The following GALNTL6 variants were observed in gnomAD, a reference collection of about 807,000 sequenced individuals.
GALNTL6 encodes the protein polypeptide N-acetylgalactosaminyltransferase-like 6.
In GALNTL6, 46 loss-of-function variants were observed where a neutral mutation model predicts 73.7. That is an observed-to-expected ratio of 0.62 (90% confidence interval 0.49 to 0.80). The LOEUF is 0.80. Among genes scored for constraint, GALNTL6 ranks in the 30% least tolerant of loss-of-function variants. The pLI is 0.00. For missense variants in GALNTL6, 604 were observed against 755.0 expected (o/e 0.80, Z 2.34); for synonymous variants, 259 against 263.7 (o/e 0.98, Z 0.17).
chr4:172,364,892 T>G (rs1742500208), intron 5 of GALNTL6, among the ~76,000 whole-genome samples: 1 of 152,196 alleles, frequency 6.6e-6, no homozygotes, highest in African/African-American at 2.4e-5. Flanking sequence ...CCCCAAGCAA[T>G]TTTTATTCAA....
intron 2 of GALNTL6, among the ~76,000 whole-genome samples, chr4:172,046,122 ATTGAG>A (rs1056009961): frequency 2.4e-4 from 37 of 152,092 alleles, no homozygotes; most frequent in African/African-American, 8.7e-4. Context: ...TCCATAATTG[ATTGAG>A]TTGATTTCAA....
At chr4:172,272,439 T>C (rs1579320512) in intron 3 of GALNTL6, among the ~76,000 whole-genome samples, 1 of 152,218 alleles carries the variant, frequency 6.6e-6, no homozygotes, top group African/African-American at 2.4e-5. Flanking sequence ...ATATACCTAT[T>C]GCTCCTAGGT....
At chr4:171,883,700 T>G (rs945894625) in intron 2 of GALNTL6, among the ~76,000 whole-genome samples, 1 of 151,812 alleles carries the variant, frequency 6.6e-6, no homozygotes, top group East Asian at 1.9e-4. Context: ...CAGGCTGGAC[T>G]GCAGTGGCGC....
intron 10 of GALNTL6, among the ~76,000 whole-genome samples, chr4:172,965,399 T>C (rs773939422): frequency 1.1e-4 from 16 of 151,984 alleles, no homozygotes; most frequent in Non-Finnish European, 1.8e-4. Context: ...ACCCTGTGAA[T>C]GGTGAAACCC....
intron 2 of GALNTL6, among the ~76,000 whole-genome samples, chr4:171,980,266 T>C (rs971102538): frequency 1.3e-5 from 2 of 152,180 alleles, no homozygotes; most frequent in Admixed American, 6.5e-5. Context: ...GTAGAATAAC[T>C]AGTAGGGAGC....
chr4:173,035,446 G>A (rs1028054719), intron 12 of GALNTL6, among the ~76,000 whole-genome samples: 2 of 152,180 alleles, frequency 1.3e-5, no homozygotes, highest in African/African-American at 4.8e-5. Context: ...CCAAAGTGCT[G>A]GGATTACAGG....
chr4:172,957,736 T>C (rs1445125283), intron 10 of GALNTL6, among the ~76,000 whole-genome samples: 1 of 152,184 alleles, frequency 6.6e-6, no homozygotes, highest in Non-Finnish European at 1.5e-5. Context: ...TCAGTATAAA[T>C]ATTGACGTGT....
chr4:172,213,034 A>G (rs1231682545), intron 2 of GALNTL6, among the ~76,000 whole-genome samples: 1 of 152,136 alleles, frequency 6.6e-6, no homozygotes, highest in Non-Finnish European at 1.5e-5. Context: ...AGTTGGAATC[A>G]TATAGTATGC....
rs115774381 is a variant in GALNTL6 at position 172,843,784 on chromosome 4, C to G, written c.923+30061C>G. On this transcript the variant is annotated intron_variant, in intron 7 of 12. Transcript: ENST00000506823. ...ATTTAAAAATAATGGTCAAGCCAGG[C>G]ACGGTGGCTCACACCTGCAATCCCA... is the stretch of plus-strand genomic sequence containing the variant. Among the ~76,000 whole-genome samples the G allele has an allele frequency of 4.9e-3, 739 of 152,334 alleles. 2 individuals are homozygous for G. Among genetic ancestry groups the G allele is most frequent in the Non-Finnish European group, 7.0e-3 (477 of 68,028 alleles).
intron 9 of GALNTL6, among the ~76,000 whole-genome samples, chr4:172,951,251 C>G (rs1304229133): frequency 6.6e-6 from 1 of 152,206 alleles, no homozygotes; most frequent in African/African-American, 2.4e-5. Flanking sequence ...CAGGTATGTG[C>G]TACTGTTGCC....
intron 5 of GALNTL6, among the ~76,000 whole-genome samples, chr4:172,730,399 T>C (rs1007289237): frequency 2.0e-5 from 3 of 152,206 alleles, no homozygotes; most frequent in Non-Finnish European, 2.9e-5. Flanking sequence ...TTTTGTGATA[T>C]GTTCCTACTG....
intron 3 of GALNTL6, among the ~76,000 whole-genome samples, chr4:172,241,354 C>T (rs1737429007): frequency 6.6e-6 from 1 of 152,012 alleles, no homozygotes; most frequent in South Asian, 2.1e-4. Context: ...ATATTATTTC[C>T]ACCTTTGAGG....
At chr4:172,998,485 T>A (rs537569615) in intron 10 of GALNTL6, among the ~76,000 whole-genome samples, 1 of 152,318 alleles carries the variant, frequency 6.6e-6, no homozygotes, top group Admixed American at 6.5e-5. Flanking sequence ...CCTGTATATA[T>A]CATTCCCATC....
chr4:172,164,430 A>T (rs1463446697), intron 2 of GALNTL6, among the ~76,000 whole-genome samples: 1 of 152,028 alleles, frequency 6.6e-6, no homozygotes, highest in East Asian at 1.9e-4. Flanking sequence ...ATTTTTTAAA[A>T]AAAGTGTTCA....
chr4:171,897,336 T>G (rs1460365331), intron 2 of GALNTL6, among the ~76,000 whole-genome samples: 3 of 152,108 alleles, frequency 2.0e-5, no homozygotes, highest in Non-Finnish European at 4.4e-5. Flanking sequence ...AATCTTTAAA[T>G]AAAAGATTGT....
At chr4:172,404,499 C>T (rs1434366252) in intron 5 of GALNTL6, among the ~76,000 whole-genome samples, 5 of 152,024 alleles carry the variant, frequency 3.3e-5, no homozygotes, top group Non-Finnish European at 5.9e-5. Flanking sequence ...TCATTTCCTC[C>T]TGTTATGTTT....
chr4:173,018,802 G>A (rs1350236103), intron 11 of GALNTL6, among the ~76,000 whole-genome samples: 3 of 152,338 alleles, frequency 2.0e-5, no homozygotes, highest in Non-Finnish European at 4.4e-5. Flanking sequence ...AAGGAATGTA[G>A]GTGGAAAGAA....
At chr4:171,885,700 G>A (rs1736589599) in intron 2 of GALNTL6, among the ~76,000 whole-genome samples, 1 of 152,076 alleles carries the variant, frequency 6.6e-6, no homozygotes, top group Admixed American at 6.6e-5. Context: ...CAGCTACTGT[G>A]GGGCTGAGGT....
At position 172,926,287 on chromosome 4, in the gene GALNTL6, C is replaced by G. The variant is rs145236174; in HGVS notation, c.1042-4874C>G. 8.8e-3 allele frequency among the ~76,000 whole-genome samples: 1,343 copies of G among 152,260 alleles called. 23 individuals are homozygous for G. The highest frequency in any genetic ancestry group is 0.029 in the African/African-American group (1,189 of 41,540). On this transcript the variant is annotated intron_variant, in intron 8 of 12. Coordinates refer to ENST00000506823, the MANE Select transcript of GALNTL6 (RefSeq NM_001034845.3). ...CTTAATCACCTCCCAAGGACCCTAC[C>G]TCTGAATACCACCACATTGGAGATT...
Sources: allele counts gnomAD v4.1 joint callset (sites outside exome capture counted in the v4.1 genomes callset), GRCh38; gene constraint gnomAD v4.1.1; transcripts MANE v1.5; gene names NCBI Gene and HGNC (gene_info 2026-07-23, HGNC 2026-07-21).